The following TNFSF8 variants were observed in gnomAD, a reference collection of about 807,000 sequenced individuals.
TNFSF8 encodes tumor necrosis factor ligand superfamily member 8.
TNFSF8 carries 4 observed loss-of-function variants against 22.0 expected under a neutral mutation model. The ratio of observed to expected loss-of-function variants is 0.18; its 90% CI spans 0.09 to 0.42. The LOEUF (loss-of-function observed/expected upper bound fraction) is 0.42. TNFSF8 is among the 10% of genes least tolerant of loss of function. TNFSF8 has a pLI of 1.00. For missense variants in TNFSF8, 233 were observed against 281.8 expected, an observed-to-expected ratio of 0.83 and a Z score of 1.24; for synonymous variants, 106 against 112.5, an observed-to-expected ratio of 0.94 and a Z score of 0.37.
Position 114,901,804 on chromosome 9 carries a change from A to G in TNFSF8, c.*2127T>C. On this transcript the variant is annotated 3_prime_UTR_variant, in exon 4 of 4. Coordinates refer to ENST00000223795, the MANE Select transcript of TNFSF8 (RefSeq NM_001244.4). ...GTAGACTTTACTAAATATTTCATAG[A>G]GGAGACCTAGGAGGAGGTTGACACA... The G allele has an allele frequency of 2.1e-6, 2 of 974,178 alleles. No individual in the cohort carries two copies. Among genetic ancestry groups the G allele is most frequent in the Non-Finnish European group, 2.4e-6 (2 of 819,772 alleles). 60.3% of individuals were successfully genotyped at this position (974,178 alleles called of 1,614,324 possible).
intron 2 of TNFSF8, among the ~76,000 whole-genome samples, chr9:114,906,279 T>C (rs1487901441): frequency 6.6e-6 from 1 of 152,134 alleles, no homozygotes; most frequent in Non-Finnish European, 1.5e-5. Context: ...GGGAAAAAAA[T>C]CTGGGGGCCA....
intron 4 of TNFSF8, chr9:114,894,226 GT>G: frequency 7.1e-7 from 1 of 1,408,176 alleles, no homozygotes; most frequent in Non-Finnish European, 9.7e-7. Context: ...ACATTTTGAC[GT>G]TGTTGTTACT....
At chr9:114,926,506 A>T (rs752230531) in intron 1 of TNFSF8, among the ~76,000 whole-genome samples, 4 of 152,238 alleles carry the variant, frequency 2.6e-5, no homozygotes, top group Non-Finnish European at 5.9e-5. Context: ...GCAGACACGC[A>T]CAGAGGGCAC....
At chr9:114,921,288 C>T (rs1827984715) in intron 1 of TNFSF8, among the ~76,000 whole-genome samples, 1 of 152,184 alleles carries the variant, frequency 6.6e-6, no homozygotes, top group South Asian at 2.1e-4. Context: ...ACAGCTTCTC[C>T]TAGCTACCCA....
At chr9:114,894,126 G>A (rs1304263332) in exon 5 of TNFSF8, 2 of 1,535,252 alleles carry the variant, frequency 1.3e-6, no homozygotes, top group South Asian at 1.2e-5. Context: ...CCAGAGTCCA[G>A]GGTAGAGTGT....
rs776603173 is a variant in TNFSF8, at chr9:114,905,844, T to C, written c.294A>G (p.Ser98=). The C allele has an allele frequency of 1.6e-5, 26 of 1,612,580 alleles. No homozygotes were observed. Among genetic ancestry groups the C allele is most frequent in the Non-Finnish European group, 1.8e-5 (21 of 1,178,670 alleles). Reference sequence around the variant, plus strand: ...GTTACTGACCTTGGAGGTAGGCCCATGACTTCTTGAATGGAGCCCTTTTCA... The same window carrying C: ...GTTACTGACCTTGGAGGTAGGCCCACGACTTCTTGAATGGAGCCCTTTTCA... The part of the protein sequence containing the change: ...CILKRAPFKK[S]WAYLQVAKHL... The change falls in exon 3 of 4, where the codon TCA becomes TCG. Residue 98 remains serine (S), a synonymous_variant. Coordinates refer to ENST00000223795, the MANE Select transcript of TNFSF8 (RefSeq NM_001244.4).
chr9:114,910,074 T>C (rs1827834613), intron 2 of TNFSF8, among the ~76,000 whole-genome samples: 2 of 152,208 alleles, frequency 1.3e-5, no homozygotes, highest in Non-Finnish European at 2.9e-5. Context: ...TGAACTTCCC[T>C]GAGGACCAAA....
intron 2 of TNFSF8, among the ~76,000 whole-genome samples, chr9:114,907,606 T>C (rs1161103054): frequency 6.6e-6 from 1 of 152,166 alleles, no homozygotes. Context: ...CCCATTGTTC[T>C]GACTCCTACT....
chr9:114,896,714 A>T (rs1827658423), downstream of TNFSF8, among the ~76,000 whole-genome samples: 1 of 152,314 alleles, frequency 6.6e-6, no homozygotes, highest in Admixed American at 6.5e-5. Flanking sequence ...TATCTCAGAG[A>T]TAGGAAGGGT....
intron 1 of TNFSF8, among the ~76,000 whole-genome samples, chr9:114,924,444 C>A (rs1055194760): frequency 6.6e-6 from 1 of 152,144 alleles, no homozygotes; most frequent in African/African-American, 2.4e-5. Context: ...AATATTAACT[C>A]TCTTGGCAAT....
intron 2 of TNFSF8, among the ~76,000 whole-genome samples, chr9:114,909,185 G>A (rs1352086413): frequency 1.3e-5 from 2 of 152,200 alleles, no homozygotes; most frequent in Non-Finnish European, 2.9e-5. Context: ...GTCATCAGCC[G>A]TGTGGCCTGA....
At chr9:114,899,408 GA>G (rs759187982), downstream of TNFSF8, among the ~76,000 whole-genome samples, 1 of 146,694 alleles carries the variant, frequency 6.8e-6, no homozygotes, top group Non-Finnish European at 1.5e-5. Context: ...GGTCATGGTA[GA>G]AAAAAAACCT....
exon 5 of TNFSF8, chr9:114,893,949 T>G (rs1169133778): frequency 1.4e-6 from 1 of 714,322 alleles, no homozygotes; most frequent in East Asian, 2.7e-5. Context: ...TTGTGGGGGG[T>G]GAACCGTTTC....
exon 5 of TNFSF8, chr9:114,894,079 T>C (rs1418609163): frequency 6.5e-7 from 1 of 1,534,902 alleles, no homozygotes. Flanking sequence ...GCATCAAGGT[T>C]CAGGGTTGTA....
chr9:114,925,705 A>T (rs556825795), intron 1 of TNFSF8, among the ~76,000 whole-genome samples: 125 of 152,216 alleles, frequency 8.2e-4, no homozygotes, highest in African/African-American at 2.2e-3. Flanking sequence ...TATTATTTTT[A>T]AAAAAAGAAT....
intron 2 of TNFSF8, among the ~76,000 whole-genome samples, chr9:114,912,017 T>C (rs771971571): frequency 2.8e-4 from 42 of 152,354 alleles, no homozygotes; most frequent in Admixed American, 1.3e-4. Context: ...AATGCAAAAG[T>C]ATGGCAGCAA....
exon 5 of TNFSF8, chr9:114,894,150 T>G: frequency 6.5e-7 from 1 of 1,534,982 alleles, no homozygotes; most frequent in Non-Finnish European, 8.7e-7. Flanking sequence ...TGGTGGAGGA[T>G]CATGCCACAG....
chr9:114,917,962 C>G (rs1236004945), intron 2 of TNFSF8, 134 bp downstream of exon 2: 5 of 803,192 alleles, frequency 6.2e-6, no homozygotes, highest in East Asian at 2.9e-5. Context: ...CTGAACAGCC[C>G]TTGCCTCCAC....
chr9:114,899,911 T>C (rs983247793), downstream of TNFSF8, among the ~76,000 whole-genome samples: 1 of 152,172 alleles, frequency 6.6e-6, no homozygotes, highest in African/African-American at 2.4e-5. Context: ...TTTCCAAGAG[T>C]ATTTTTGCTG....
Sources: gnomAD v4.1 joint callset for allele counts (sites outside exome capture counted in the v4.1 genomes callset) on GRCh38, gnomAD v4.1.1 for gene constraint, MANE v1.5 for transcripts, NCBI Gene and HGNC (gene_info 2026-07-23, HGNC 2026-07-21) for gene names.